The following GALNT3 variants were observed in gnomAD, a reference collection of about 807,000 sequenced individuals.
GALNT3 encodes the protein GalNAc transferase 3.
Under a neutral mutation model 69.8 loss-of-function variants are expected in GALNT3, and 51 were observed. The ratio of observed to expected loss-of-function variants is 0.73; its 90% confidence interval spans 0.58 to 0.92. The LOEUF (loss-of-function observed/expected upper bound fraction) is 0.92. Among genes scored for constraint, GALNT3 ranks in the 40% least tolerant of loss-of-function variants. The pLI is 0.00. For missense variants in GALNT3, 711 were observed against 760.0 expected (o/e 0.94, Z 0.76); for synonymous variants, 265 against 248.5 (o/e 1.07, Z -0.63).
intron 1 of GALNT3, among the ~76,000 whole-genome samples, chr2:165,776,641 T>G (rs1320432124): frequency 1.3e-5 from 2 of 152,186 alleles, no homozygotes; most frequent in East Asian, 3.8e-4. Flanking sequence ...TTTAAAAAGT[T>G]ATTAATCTGT....
rs1433470829 is a variant in GALNT3 at position 165,754,663 on chromosome 2, T to C, written c.1590A>G (p.Leu530=). 3.1e-6 allele frequency: 5 copies of C among 1,613,638 alleles called. No homozygotes were observed. The South Asian group carries it at 5.5e-5, about 18-fold the overall frequency. Reference sequence around the variant, plus strand: ...CAAGTCCATGACATGTATACATAATTAATGGTTTGCCTCCTTGATTGTTTT... The same window carrying C: ...CAAGTCCATGACATGTATACATAATCAATGGTTTGCCTCCTTGATTGTTTT... ...VGENNQGGKP[L]IMYTCHGLGG... Residue 530 remains leucine, a synonymous_variant, in exon 9 of 11, where the codon TTA becomes TTG. Coordinates refer to ENST00000392701, the MANE Select transcript of GALNT3 (RefSeq NM_004482.4).
chr2:165,771,710 G>A (rs918968451), intron 1 of GALNT3: 9 of 152,144 alleles, frequency 5.9e-5, no homozygotes, highest in African/African-American at 2.2e-4. Flanking sequence ...TTGCAGGGAC[G>A]AAGGGGAGGG....
At chr2:165,748,955 G>A in intron 10 of GALNT3, 52 bp from the exon 11 acceptor site, 1 of 1,541,628 alleles carries the variant, frequency 6.5e-7, no homozygotes, top group Non-Finnish European at 8.9e-7. Flanking sequence ...ATAGTTAAGT[G>A]ACAAATATGA....
At chr2:165,769,855 C>T (rs559656215) in intron 2 of GALNT3, among the ~76,000 whole-genome samples, 1 of 152,234 alleles carries the variant, frequency 6.6e-6, no homozygotes, top group South Asian at 2.1e-4. Flanking sequence ...ACTTCCTATA[C>T]AAATTGTCCA....
chr2:165,757,948 A>G (rs763936695), intron 6 of GALNT3, among the ~76,000 whole-genome samples: 15 of 152,172 alleles, frequency 9.9e-5, no homozygotes, highest in Admixed American at 7.2e-4. Flanking sequence ...ATTTAATACT[A>G]TGTGCTTGTA....
In GALNT3 at chr2:165,764,949, A is replaced by G; in HGVS notation, c.623T>C (p.Val208Ala). ...WSTLLRTVHS[V>A]LYSSPAILLK... The stretch of plus-strand genomic sequence containing the variant: ...CAGTATTGCAGGTGAAGAATAGAGC[A>G]CACTGTGGACAGTTCTAAGCAACGT... The change falls in exon 3 of 11, where the codon GTG becomes GCG. Residue 208 changes from valine to alanine, a missense_variant. Physicochemically the swap from Val to Ala is moderately conservative, Grantham distance 64 (BLOSUM62 0). Transcript: ENST00000392701. The G allele has an allele frequency of 1.2e-6, 2 of 1,614,248 alleles. No individual in the cohort carries two copies. The highest frequency in any genetic ancestry group is 1.7e-6 in the Non-Finnish European group (2 of 1,180,030).
intron 9 of GALNT3, among the ~76,000 whole-genome samples, chr2:165,751,478 T>C (rs561521686): frequency 4.4e-4 from 67 of 152,316 alleles, no homozygotes; most frequent in Admixed American, 1.4e-3. Flanking sequence ...CTAAGAAAGA[T>C]AAGCCTTAAG....
rs1460449580 is a variant in GALNT3 at position 165,759,376 on chromosome 2, G to C, written c.1033C>G (p.His345Asp). ...TCATCTTTCCTTCTTTGCTTCTCAT[G>C]ATCAGGAAGCGACTCCCAGCCAAAT... ...LSFGWESLPDHEKQRRKDETY... is the reference protein window; with the variant it reads ...LSFGWESLPDDEKQRRKDETY... The change falls in exon 5 of 11, where the codon CAT becomes GAT. Residue 345 changes from histidine to aspartate, a missense_variant. Transcript: ENST00000392701. 1 of 1,613,636 alleles carries C rather than the reference G, an allele frequency of 6.2e-7. No individual in the cohort carries two copies. Among genetic ancestry groups the C allele is most frequent in the South Asian group, 1.1e-5 (1 of 91,060 alleles).
intron 1 of GALNT3, chr2:165,771,352 C>T (rs1688748972): frequency 6.6e-6 from 1 of 152,070 alleles, no homozygotes; most frequent in South Asian, 2.1e-4. Flanking sequence ...GATTTTCCAA[C>T]CCAATAGTAC....
chr2:165,782,724 T>C (rs1683139190), intron 1 of GALNT3, among the ~76,000 whole-genome samples: 1 of 152,124 alleles, frequency 6.6e-6, no homozygotes, highest in Non-Finnish European at 1.5e-5. Flanking sequence ...TAGGAATTAG[T>C]ATGAAAGGTC....
rs79833258 is a variant in GALNT3, at chr2:165,787,042, C to T, written c.-109+6973G>A. On this transcript the variant is annotated intron_variant, in intron 1 of 10. Transcript: ENST00000392701. ...GCCATATATTAATGTCTGCCTCCTT[C>T]GTGGGGAAACTTTTGTTTTTATAAG... Among the ~76,000 whole-genome samples the T allele has an allele frequency of 3.2e-3, 489 of 152,294 alleles. 4 individuals carry two copies. Among genetic ancestry groups the T allele is most frequent in the African/African-American group, 0.011 (467 of 41,540 alleles).
intron 8 of GALNT3, 86 bp downstream of exon 8, chr2:165,754,846 A>G: frequency 1.4e-6 from 2 of 1,477,492 alleles, no homozygotes; most frequent in Non-Finnish European, 1.9e-6. Context: ...AGCAATAAAG[A>G]AAGTATTTCA....
chr2:165,770,176 T>C lies in GALNT3; in HGVS notation c.515+10A>G, dbSNP rs372769208. 6.3e-5 allele frequency: 101 copies of C among 1,613,924 alleles called. No individual in the cohort carries two copies. Among genetic ancestry groups the C allele is most frequent in the South Asian group, 3.4e-4 (31 of 91,066 alleles). On this transcript the variant is annotated intron_variant, in intron 2 of 10. Transcript: ENST00000392701. ...GATAAAGAATAAACAATAAATATTC[T>C]TCAACATACTCAGGAGGTCGAGTGT... is the stretch of plus-strand genomic sequence containing the variant.
intron 9 of GALNT3, 33 bp from the exon 10 acceptor site, chr2:165,749,927 G>A (rs1429346959): frequency 6.2e-7 from 1 of 1,606,960 alleles, no homozygotes; most frequent in Non-Finnish European, 8.5e-7. Context: ...ACTGACAAAA[G>A]CAACCCATGT....
At position 165,748,786 on chromosome 2, in the gene GALNT3, C is replaced by A; in HGVS notation, c.1897G>T (p.Asp633Tyr). The A allele has an allele frequency of 6.2e-7, 1 of 1,609,654 alleles. No individual in the cohort carries two copies. The highest frequency in any genetic ancestry group is 8.5e-7 in the Non-Finnish European group (1 of 1,177,368). Residue 633 changes from aspartate (D) to tyrosine (Y), a missense_variant, in exon 11 of 11, where the codon GAT becomes TAT. Coordinates refer to ENST00000392701, the MANE Select transcript of GALNT3 (RefSeq NM_004482.4). The part of the protein sequence containing the change: ...PLQKWILSQN[D>Y] Reference sequence around the variant, plus strand: ...AACTTAATTTTAAGGAACACTTAATCATTTTGGCTAAGTATCCATTTTTGG... The same window carrying A: ...AACTTAATTTTAAGGAACACTTAATAATTTTGGCTAAGTATCCATTTTTGG...
chr2:165,762,921 G>C (rs1230628608), intron 3 of GALNT3, among the ~76,000 whole-genome samples: 2 of 151,840 alleles, frequency 1.3e-5, no homozygotes, highest in Non-Finnish European at 2.9e-5. Flanking sequence ...AAGTAGCTGG[G>C]ACCACAGGCA....
At chr2:165,767,094 C>T (rs1688656922) in intron 2 of GALNT3, among the ~76,000 whole-genome samples, 1 of 151,844 alleles carries the variant, frequency 6.6e-6, no homozygotes, top group South Asian at 2.1e-4. Context: ...GATAAACTAC[C>T]AATTAATAAA....
chr2:165,778,278 T>G (rs2105222748), intron 1 of GALNT3, among the ~76,000 whole-genome samples: 3 of 152,314 alleles, frequency 2.0e-5, no homozygotes, highest in Non-Finnish European at 4.4e-5. Context: ...TGAGGAGTGA[T>G]TTAGGTGGAT....
chr2:165,789,759 A>C (rs554992780), intron 1 of GALNT3, among the ~76,000 whole-genome samples: 22 of 152,272 alleles, frequency 1.4e-4, no homozygotes, highest in African/African-American at 4.6e-4. Flanking sequence ...TATGGTTTAC[A>C]TAATCAATGT....
Sources: allele counts gnomAD v4.1 joint callset (sites outside exome capture counted in the v4.1 genomes callset), GRCh38; gene constraint gnomAD v4.1.1; transcripts MANE v1.5; gene names NCBI Gene and HGNC (gene_info 2026-07-23, HGNC 2026-07-21).